LRRC37B: variants seen among roughly 807,000 people sequenced by gnomAD.
LRRC37B encodes leucine-rich repeat-containing protein 37B.
Under a neutral mutation model 98.3 loss-of-function variants are expected in LRRC37B, and 28 were observed. The ratio of observed to expected loss-of-function variants is 0.28; its 90% CI spans 0.21 to 0.39. LRRC37B has a LOEUF of 0.39. LRRC37B is among the 10% of genes least tolerant of loss of function. The pLI, the probability that LRRC37B is intolerant of heterozygous loss-of-function variation, is 1.00. For synonymous variants in LRRC37B, 364 were observed against 442.7 expected, an observed-to-expected ratio of 0.82 and a Z score of 2.23; for missense variants, 938 against 1,182.7, an observed-to-expected ratio of 0.79 and a Z score of 3.03.
intron 5 of LRRC37B, among the ~76,000 whole-genome samples, chr17:32,033,302 A>AGAAG (rs914979788): frequency 2.9e-5 from 4 of 137,870 alleles, no homozygotes; most frequent in Non-Finnish European, 6.3e-5. Context: ...TTAACTCAAA[A>AGAAG]GAAGGAAGGA....
At chr17:32,025,030 GTTTT>G (rs772444987) in intron 2 of LRRC37B, among the ~76,000 whole-genome samples, 2 of 69,918 alleles carry the variant, frequency 2.9e-5, no homozygotes, top group African/African-American at 1.1e-4. Context: ...TTTTTTCCTC[GTTTT>G]TTTTTTTTTT....
At chr17:32,010,266 T>C (rs897594778) in intron 1 of LRRC37B, among the ~76,000 whole-genome samples, 1 of 152,242 alleles carries the variant, frequency 6.6e-6, no homozygotes, top group Non-Finnish European at 1.5e-5. Context: ...AAAGCAGTCG[T>C]AGACAATATG....
intron 7 of LRRC37B, 136 bp from the exon 11 acceptor site, chr17:32,045,564 G>C: frequency 1.0e-6 from 1 of 968,726 alleles, no homozygotes; most frequent in Admixed American, 2.1e-5. Context: ...TGGCCTTCTG[G>C]TTCCTACCCA....
chr17:32,046,814 G>A (rs1911599832), intron 8 of LRRC37B, among the ~76,000 whole-genome samples: 1 of 151,808 alleles, frequency 6.6e-6, no homozygotes, highest in Non-Finnish European at 1.5e-5. Context: ...CTGACCTTCA[G>A]CACCACCCAA....
At chr17:32,021,539 C>A (rs202129695) in exon 1 of LRRC37B, 19 of 1,613,998 alleles carry the variant, frequency 1.2e-5, no homozygotes, top group East Asian at 6.7e-5. Flanking sequence ...AAGAAAGGCT[C>A]CCAGAGGTGG....
At chr17:32,021,736 C>G in exon 1 of LRRC37B, 1 of 1,614,252 alleles carries the variant, frequency 6.2e-7, no homozygotes, top group South Asian at 1.1e-5. Context: ...AAAGATCTAG[C>G]TGAACGTTGG....
rs902385973 is a variant in LRRC37B at position 32,049,929 on chromosome 17, A to G, written c.2758-74A>G. ...CTCAACTGGCATACTGGGGTTTTGA[A>G]AAGTTAGCTTCCATTCTCTCTCTCT... On this transcript the variant is annotated intron_variant, in intron 10 of 11. Transcript: ENST00000327564. 7 of 929,316 alleles carry G rather than the reference A, an allele frequency of 7.5e-6. No individual in the cohort carries two copies. The African/African-American group carries it at 1.2e-4, about 16-fold the overall frequency. 57.6% of individuals were successfully genotyped at this position (929,316 alleles called of 1,614,324 possible). A position where few individuals can be genotyped will look rare whatever the true frequency, so the allele number is the denominator to read the frequency against.
intron 2 of LRRC37B, among the ~76,000 whole-genome samples, chr17:32,026,300 A>T (rs563893892): frequency 1.3e-5 from 2 of 152,318 alleles, no homozygotes; most frequent in East Asian, 3.9e-4. Context: ...GGATCACCTG[A>T]AGTCGGGAGT....
intron 5 of LRRC37B, 82 bp from the exon 9 acceptor site, chr17:32,034,828 A>G (rs1911202485): frequency 9.4e-7 from 1 of 1,062,550 alleles, no homozygotes; most frequent in African/African-American, 1.6e-5. Flanking sequence ...TAAAAGTTCC[A>G]TACCAAAAAA....
intron 1 of LRRC37B, among the ~76,000 whole-genome samples, chr17:32,008,403 TGTGCCAGTGCA>T (rs1910459449): frequency 6.6e-6 from 1 of 152,218 alleles, no homozygotes; most frequent in Admixed American, 6.5e-5. Flanking sequence ...CCTCAAAATT[TGTGCCAGTGCA>T]GTGTCTCCAC....
chr17:32,008,689 G>T (rs892695052), intron 1 of LRRC37B, among the ~76,000 whole-genome samples: 1 of 152,176 alleles, frequency 6.6e-6, no homozygotes, highest in African/African-American at 2.4e-5. Context: ...TTAAGGAAAC[G>T]GATCATTTTG....
At chr17:32,033,930 A>G (rs780667492) in intron 5 of LRRC37B, 1 of 152,218 alleles carries the variant, frequency 6.6e-6, no homozygotes, top group Non-Finnish European at 1.5e-5. Flanking sequence ...ACATCATACC[A>G]GGCACAGTGA....
intron 1 of LRRC37B, among the ~76,000 whole-genome samples, chr17:32,009,412 C>A (rs1485975737): frequency 6.6e-6 from 1 of 151,854 alleles, no homozygotes; most frequent in South Asian, 2.1e-4. Context: ...TGCAAGTGTG[C>A]ACCACCATAC....
intron 7 of LRRC37B, among the ~76,000 whole-genome samples, chr17:32,038,534 A>G (rs1245528398): frequency 9.9e-5 from 15 of 152,208 alleles, no homozygotes; most frequent in Non-Finnish European, 1.8e-4. Context: ...ATCTTCTCTC[A>G]GATTGTGGTT....
chr17:32,021,598 G>C, exon 1 of LRRC37B: 1 of 1,614,176 alleles, frequency 6.2e-7, no homozygotes, highest in Non-Finnish European at 8.5e-7. Flanking sequence ...CAGCTTCCTC[G>C]CCTCAAGTGG....
At chr17:32,041,547 C>T (rs751572799) in intron 7 of LRRC37B, 35 of 501,646 alleles carry the variant, frequency 7.0e-5, no homozygotes, top group Middle Eastern at 3.0e-4. Context: ...GCCCCCGCCC[C>T]GCCCCTCCAT....
chr17:32,024,543 T>C (rs1373953168), intron 1 of LRRC37B, 168 bp from the exon 5 acceptor site: 3 of 1,123,752 alleles, frequency 2.7e-6, no homozygotes, highest in Non-Finnish European at 4.0e-6. Flanking sequence ...GGCCCCGCAT[T>C]ATTTCTTGAT....
chr17:32,033,684 T>C (rs1362017742), intron 5 of LRRC37B, among the ~76,000 whole-genome samples: 1 of 152,218 alleles, frequency 6.6e-6, no homozygotes, highest in East Asian at 1.9e-4. Flanking sequence ...ATTATTTTTA[T>C]ATTTTCTGCA....
chr17:32,020,178 G>A (rs183044291), upstream of LRRC37B, among the ~76,000 whole-genome samples: 12 of 152,240 alleles, frequency 7.9e-5, no homozygotes, highest in East Asian at 1.2e-3. Context: ...TATGCACCCC[G>A]TGCCTGTGCT....
Sources: allele counts gnomAD v4.1 joint callset (sites outside exome capture counted in the v4.1 genomes callset), GRCh38; gene constraint gnomAD v4.1.1; transcripts MANE v1.5; gene names NCBI Gene and HGNC (gene_info 2026-07-23, HGNC 2026-07-21).